Variants in PCDH9 observed in about 807,000 individuals in gnomAD.
PCDH9 encodes protocadherin 9.
Under a neutral mutation model 70.6 loss-of-function variants are expected in PCDH9, and 24 were observed. The observed-to-expected ratio is 0.34, with a 90% confidence interval of 0.25 to 0.48. PCDH9 has a LOEUF of 0.48. Among genes scored for constraint, PCDH9 ranks in the 20% least tolerant of loss-of-function variants. The pLI is 0.99. For missense variants in PCDH9, 1,281 were observed against 1,503.6 expected, an observed-to-expected ratio of 0.85 and a Z score of 2.45; for synonymous variants, 562 against 558.5, an observed-to-expected ratio of 1.01 and a Z score of -0.09.
chr13:66,387,781 G>A (rs1158344501), intron 4 of PCDH9, among the ~76,000 whole-genome samples: 1 of 152,058 alleles, frequency 6.6e-6, no homozygotes, highest in Non-Finnish European at 1.5e-5. Context: ...CTAAGACACT[G>A]ACAAAAACAT....
At chr13:66,406,904 T>C (rs1180673521) in intron 4 of PCDH9, among the ~76,000 whole-genome samples, 1 of 152,158 alleles carries the variant, frequency 6.6e-6, no homozygotes, top group East Asian at 1.9e-4. Flanking sequence ...CAAATACATA[T>C]AAGAGGTTTT....
chr13:67,143,087 C>A (rs1718610191), intron 2 of PCDH9, among the ~76,000 whole-genome samples: 2 of 151,686 alleles, frequency 1.3e-5, no homozygotes, highest in South Asian at 2.1e-4. Context: ...GTTATGAGAG[C>A]AAAATGAAAT....
intron 2 of PCDH9, among the ~76,000 whole-genome samples, chr13:67,160,728 C>T (rs1008624325): frequency 5.3e-5 from 8 of 152,174 alleles, no homozygotes; most frequent in Admixed American, 4.6e-4. Context: ...CCACAAGCAT[C>T]ATTTCTCATC....
At chr13:66,732,790 T>A (rs1358100665) in intron 3 of PCDH9, among the ~76,000 whole-genome samples, 2 of 152,018 alleles carry the variant, frequency 1.3e-5, no homozygotes. Context: ...ATTAGACTAT[T>A]AAGATTTTTA....
intron 3 of PCDH9, among the ~76,000 whole-genome samples, chr13:66,703,612 T>C (rs548899709): frequency 6.6e-6 from 1 of 152,234 alleles, no homozygotes; most frequent in African/African-American, 2.4e-5. Flanking sequence ...AAGAAAACAT[T>C]TCTTGCAGGG....
At chr13:66,327,096 C>T (rs547720503) in intron 4 of PCDH9, among the ~76,000 whole-genome samples, 1 of 152,120 alleles carries the variant, frequency 6.6e-6, no homozygotes, top group East Asian at 1.9e-4. Flanking sequence ...TATACCAAGC[C>T]TTAGAAATAG....
chr13:67,158,932 AAC>A (rs1438447397), intron 2 of PCDH9, among the ~76,000 whole-genome samples: 1 of 152,218 alleles, frequency 6.6e-6, no homozygotes, highest in Admixed American at 6.5e-5. Flanking sequence ...AAGACGAAAT[AAC>A]AGTCTCCCTG....
intron 4 of PCDH9, among the ~76,000 whole-genome samples, chr13:66,556,098 T>C (rs1032962916): frequency 6.6e-6 from 1 of 151,768 alleles, no homozygotes; most frequent in Non-Finnish European, 1.5e-5. Context: ...TCAATTTTAA[T>C]TTATTGATTA....
intron 3 of PCDH9, among the ~76,000 whole-genome samples, chr13:66,824,419 G>T (rs1404024840): frequency 1.3e-4 from 19 of 147,964 alleles, no homozygotes; most frequent in African/African-American, 4.2e-4. Flanking sequence ...ACTTTGGGAG[G>T]CCAAGGCAGG....
intron 3 of PCDH9, among the ~76,000 whole-genome samples, chr13:66,763,750 G>A (rs1278783565): frequency 6.6e-6 from 1 of 151,902 alleles, no homozygotes; most frequent in Admixed American, 6.6e-5. Flanking sequence ...TATACCTCAA[G>A]TTTTTTTAAT....
chr13:66,466,085 T>A (rs1958508668), intron 4 of PCDH9, among the ~76,000 whole-genome samples: 1 of 152,004 alleles, frequency 6.6e-6, no homozygotes, highest in African/African-American at 2.4e-5. Flanking sequence ...TGATTCTTCA[T>A]TTCTCACAGA....
intron 2 of PCDH9, 183 bp downstream of exon 2, chr13:67,225,206 CTCAGAACTCAGAAATT>C: frequency 7.5e-7 from 1 of 1,326,246 alleles, no homozygotes; most frequent in Non-Finnish European, 9.8e-7. Context: ...AGAAAATATT[CTCAGAACTCAGAAATT>C]TCAAAGCTGT....
chr13:66,863,832 C>G (rs1467884990), intron 3 of PCDH9, among the ~76,000 whole-genome samples: 1 of 151,906 alleles, frequency 6.6e-6, no homozygotes, highest in African/African-American at 2.4e-5. Context: ...TATAAGACAT[C>G]GTATTGGTCC....
Position 66,536,050 on chromosome 13 carries a change from G to C in PCDH9, c.3340+95160C>G, listed in dbSNP as rs79827833. 1.4e-3 allele frequency among the ~76,000 whole-genome samples: 215 copies of C among 152,096 alleles called. 5 individuals are homozygous for C. The East Asian group carries it at 0.035, about 25-fold the overall frequency. On this transcript the variant is annotated intron_variant, in intron 4 of 4. Coordinates refer to ENST00000377865, the MANE Select transcript of PCDH9 (RefSeq NM_203487.3). ...TCAAATGCTATCTTAAAGATCACACGTGTATCTGCTCCTCTGCTCCTCTTC... is the reference window on the plus strand; with the variant it reads ...TCAAATGCTATCTTAAAGATCACACCTGTATCTGCTCCTCTGCTCCTCTTC...
At position 66,618,741 on chromosome 13, in the gene PCDH9, G is replaced by A. The variant is rs548541874; in HGVS notation, c.3340+12469C>T. On this transcript the variant is annotated intron_variant, in intron 4 of 4. Transcript: ENST00000377865. ...ACCACTCTCAAATTACTATAAACACGGATATACAAATAATACTTTTCCCCC... is the reference window on the plus strand; with the variant it reads ...ACCACTCTCAAATTACTATAAACACAGATATACAAATAATACTTTTCCCCC... 2.6e-5 allele frequency among the ~76,000 whole-genome samples: 4 copies of A among 151,978 alleles called. No individual in the cohort carries two copies. In the South Asian group the frequency reaches 8.3e-4, roughly 32 times the overall value.
chr13:66,576,115 A>T (rs2076811712), intron 4 of PCDH9, among the ~76,000 whole-genome samples: 1 of 151,892 alleles, frequency 6.6e-6, no homozygotes, highest in African/African-American at 2.4e-5. Flanking sequence ...AGTACAAAGC[A>T]GGTAGCCTTT....
chr13:67,185,244 C>T (rs1335153112), intron 2 of PCDH9, among the ~76,000 whole-genome samples: 2 of 152,160 alleles, frequency 1.3e-5, no homozygotes, highest in Non-Finnish European at 2.9e-5. Flanking sequence ...TAGATTTTTA[C>T]TCTCATTGCT....
intron 4 of PCDH9, among the ~76,000 whole-genome samples, chr13:66,609,403 C>G: frequency 6.6e-6 from 1 of 152,154 alleles, no homozygotes; most frequent in East Asian, 1.9e-4. Flanking sequence ...GTTATCTCCT[C>G]GTAGAACTTT....
intron 3 of PCDH9, among the ~76,000 whole-genome samples, chr13:66,824,626 A>C (rs2080777625): frequency 7.8e-6 from 1 of 127,552 alleles, no homozygotes; most frequent in African/African-American, 2.9e-5. Context: ...TTGCACTCCA[A>C]CCTGGGCAAC....
Sources: gnomAD v4.1 joint callset for allele counts (sites outside exome capture counted in the v4.1 genomes callset) on GRCh38, gnomAD v4.1.1 for gene constraint, MANE v1.5 for transcripts, NCBI Gene and HGNC (gene_info 2026-07-23, HGNC 2026-07-21) for gene names.